Variants in BSDC1 observed in about 807,000 individuals in gnomAD.
BSDC1 encodes the protein BSD domain-containing protein 1.
A neutral mutation model predicts 56.0 loss-of-function variants in BSDC1; 29 were observed. That is an observed-to-expected ratio of 0.52 (90% CI 0.39 to 0.71). BSDC1 has a LOEUF of 0.71. Ranked by LOEUF, BSDC1 falls within the 30% of genes least tolerant of loss-of-function variation. BSDC1 has a pLI of 0.00. For missense variants in BSDC1, 477 were observed against 548.5 expected, an observed-to-expected ratio of 0.87 and a Z score of 1.30; for synonymous variants, 210 against 215.3, an observed-to-expected ratio of 0.98 and a Z score of 0.21.
intron 9 of BSDC1, among the ~76,000 whole-genome samples, chr1:32,372,614 C>T (rs1338535171): frequency 6.6e-6 from 1 of 152,158 alleles, no homozygotes; most frequent in Non-Finnish European, 1.5e-5. Context: ...CTCCTTCCAC[C>T]GTCCTACCCT....
At chr1:32,368,122 T>G (rs942140731) in intron 10 of BSDC1, 6 of 1,368,062 alleles carry the variant, frequency 4.4e-6, no homozygotes, top group Non-Finnish European at 5.7e-6. Context: ...TCCTCCCACC[T>G]TGGCCTCCCA....
At chr1:32,382,687 C>T (rs1642523524) in intron 4 of BSDC1, among the ~76,000 whole-genome samples, 1 of 144,908 alleles carries the variant, frequency 6.9e-6, no homozygotes, top group Admixed American at 6.9e-5. Flanking sequence ...ATAGGGAGAC[C>T]TCATCGCTAC....
At chr1:32,393,963 G>A in intron 2 of BSDC1, 117 bp downstream of exon 2, 7 of 981,168 alleles carry the variant, frequency 7.1e-6, no homozygotes, top group East Asian at 5.2e-5. Flanking sequence ...AAAGGCCCAG[G>A]TCAGCCTCAT....
chr1:32,369,312 A>G (rs909484571), intron 9 of BSDC1: 1 of 1,289,538 alleles, frequency 7.8e-7, no homozygotes, highest in Non-Finnish European at 1.0e-6. Flanking sequence ...TTCCAGAGGA[A>G]ATCAACAGTG....
intron 5 of BSDC1, among the ~76,000 whole-genome samples, chr1:32,380,372 C>T (rs1642439114): frequency 2.0e-5 from 3 of 152,306 alleles, no homozygotes; most frequent in Admixed American, 6.5e-5. Flanking sequence ...CGTCCAGGCA[C>T]GGTGGCTCAT....
At chr1:32,385,019 T>A (rs376676882) in intron 3 of BSDC1, among the ~76,000 whole-genome samples, 30 of 152,308 alleles carry the variant, frequency 2.0e-4, no homozygotes, top group South Asian at 8.3e-4. Flanking sequence ...AATAAGCTTG[T>A]CTAAAAAAAT....
chr1:32,369,446 C>T, intron 9 of BSDC1: 1 of 409,284 alleles, frequency 2.4e-6, no homozygotes, highest in Non-Finnish European at 4.4e-6. Flanking sequence ...GAGTTCAAGG[C>T]TGCAGTGAGC....
rs753978607 is a variant in BSDC1 at position 32,383,890 on chromosome 1, G to A, written c.297C>T (p.Cys99=). The change falls in exon 4 of 11, where the codon TGC becomes TGT. Residue 99 remains cysteine, a synonymous_variant. Transcript: ENST00000455895. ...GTGTGCCCATCAGGGTGATGACATCGCAGTCGATGGTTTTGTCTGGCGAAG... is the reference window on the plus strand; with the variant it reads ...GTGTGCCCATCAGGGTGATGACATCACAGTCGATGGTTTTGTCTGGCGAAG... ...FAPSPDKTID[C]DVITLMGTPS... The A allele has an allele frequency of 3.6e-5, 58 of 1,612,278 alleles. No individual in the cohort carries two copies. Among genetic ancestry groups the A allele is most frequent in the Non-Finnish European group, 4.1e-5 (48 of 1,180,032 alleles).
At chr1:32,391,354 G>C (rs1489854838) in intron 2 of BSDC1, among the ~76,000 whole-genome samples, 2 of 152,170 alleles carry the variant, frequency 1.3e-5, no homozygotes, top group East Asian at 1.9e-4. Context: ...TCAAAAAGTA[G>C]ATGAGGTTGT....
chr1:32,388,112 T>C (rs796310550), intron 2 of BSDC1, among the ~76,000 whole-genome samples: 5 of 152,278 alleles, frequency 3.3e-5, no homozygotes, highest in African/African-American at 1.2e-4. Flanking sequence ...CTGGAGTATC[T>C]CAGTGGCCAC....
intron 2 of BSDC1, among the ~76,000 whole-genome samples, chr1:32,391,163 TCAAGA>T (rs781022843): frequency 1.3e-5 from 2 of 152,140 alleles, no homozygotes; most frequent in South Asian, 2.1e-4. Flanking sequence ...GAGTAGCGTT[TCAAGA>T]GAGGGAGTGA....
intron 8 of BSDC1, among the ~76,000 whole-genome samples, chr1:32,377,645 C>T (rs373476297): frequency 6.6e-6 from 1 of 152,104 alleles, no homozygotes; most frequent in South Asian, 2.1e-4. Context: ...CATGTCTGGC[C>T]GCATCTTTAC....
chr1:32,378,641 T>C lies in BSDC1; in HGVS notation c.528+83A>G, dbSNP rs942829431. 2.3e-5 allele frequency: 23 copies of C among 986,894 alleles called. No individual in the cohort carries two copies. The African/African-American group carries it at 3.6e-4, about 16-fold the overall frequency. The allele number at this position is 986,894 out of a possible 1,614,324, so 61.1% of individuals were successfully genotyped here. A position where few individuals can be genotyped will look rare whatever the true frequency, so the allele number is the denominator to read the frequency against. On this transcript the variant is annotated intron_variant, in intron 6 of 10. Coordinates refer to ENST00000455895, the MANE Select transcript of BSDC1 (RefSeq NM_018045.8). The surrounding 1 kb of genome is among the most constrained non-coding windows in gnomAD (Gnocchi z 5.2). ...CAGTGCTCTCCGGGCCAGATGACTC[T>C]GCAGTGACTCTGAACATGTCCCTCC...
In BSDC1 at chr1:32,376,258, C is replaced by A; in HGVS notation, c.1156+4G>T. On this transcript the variant is annotated splice_donor_region_variant and intron_variant, in intron 9 of 10. Transcript: ENST00000455895. ...ACCCTCTGGGCTTGGACCTCCAGAC[C>A]TACCTTTCTTTCCATTGTTGGAGGG... 2 of 1,490,952 alleles carry A rather than the reference C, an allele frequency of 1.3e-6. No homozygotes were observed. Among genetic ancestry groups the A allele is most frequent in the South Asian group, 1.4e-5 (1 of 72,568 alleles). The allele number at this position is 1,490,952 out of a possible 1,614,324, so 92.4% of individuals were successfully genotyped here.
rs2148124371 is a variant in BSDC1, at chr1:32,378,590, A to G, written c.528+134T>C. ...CATGTGGGGTCTTGGCTCAGGACACAGCTGGTCTGGCTCTATGGAGCCTCC... is the reference window on the plus strand; with the variant it reads ...CATGTGGGGTCTTGGCTCAGGACACGGCTGGTCTGGCTCTATGGAGCCTCC... On this transcript the variant is annotated intron_variant, in intron 6 of 10. Coordinates refer to ENST00000455895, the MANE Select transcript of BSDC1 (RefSeq NM_018045.8). This position sits in a 1 kb window ranked among gnomAD's most constrained non-coding sequence, Gnocchi z 5.2. 1.4e-6 allele frequency: 1 copy of G among 691,378 alleles called. No homozygotes were observed. 42.8% of individuals were successfully genotyped at this position (691,378 alleles called of 1,614,324 possible).
At chr1:32,388,116 T>C (rs1011754967) in intron 2 of BSDC1, among the ~76,000 whole-genome samples, 2 of 152,186 alleles carry the variant, frequency 1.3e-5, no homozygotes, top group African/African-American at 4.8e-5. Context: ...AGTATCTCAG[T>C]GGCCACTCCC....
At chr1:32,381,073 A>G (rs1642462713) in intron 5 of BSDC1, 141 bp downstream of exon 5, 2 of 733,788 alleles carry the variant, frequency 2.7e-6, no homozygotes, top group Non-Finnish European at 2.3e-6. Context: ...CCCACAAAGT[A>G]TAAGGTACAC....
At chr1:32,392,274 G>C (rs1331674290) in intron 2 of BSDC1, among the ~76,000 whole-genome samples, 1 of 152,202 alleles carries the variant, frequency 6.6e-6, no homozygotes, top group Non-Finnish European at 1.5e-5. Flanking sequence ...GGAAGTTGCA[G>C]AGCTGAGACT....
Position 32,383,882 on chromosome 1 carries a change from A to G in BSDC1, c.305T>C (p.Ile102Thr). ...GCCAGACGGTGTGCCCATCAGGGTG[A>G]TGACATCGCAGTCGATGGTTTTGTC... ...SPDKTIDCDV[I>T]TLMGTPSGTA... Residue 102 changes from isoleucine to threonine, a missense_variant, in exon 4 of 11, where the codon ATC (isoleucine) becomes ACC (threonine). Physicochemically the swap from Ile to Thr is moderately conservative, Grantham distance 89. Coordinates refer to ENST00000455895, the MANE Select transcript of BSDC1 (RefSeq NM_018045.8). The G allele has an allele frequency of 3.1e-6, 5 of 1,612,366 alleles. No individual in the cohort carries two copies. The highest frequency in any genetic ancestry group is 4.2e-6 in the Non-Finnish European group (5 of 1,180,020).
Sources: allele counts gnomAD v4.1 joint callset (sites outside exome capture counted in the v4.1 genomes callset), GRCh38; gene constraint gnomAD v4.1.1; non-coding constraint Gnocchi (gnomAD v3.1); transcripts MANE v1.5; gene names NCBI Gene and HGNC (gene_info 2026-07-23, HGNC 2026-07-21).